The following PDZD2 variants were observed in gnomAD, a reference collection of about 807,000 sequenced individuals.
PDZD2 encodes the protein PDZ domain-containing protein 2.
A neutral mutation model predicts 220.7 loss-of-function variants in PDZD2; 90 were observed. That is an observed-to-expected ratio of 0.41 (90% CI 0.34 to 0.49). The LOEUF is 0.49. Among genes scored for constraint, PDZD2 ranks in the 20% least tolerant of loss-of-function variants. PDZD2 has a pLI of 0.28. For synonymous variants in PDZD2, 1,375 were observed against 1,450.5 expected, an observed-to-expected ratio of 0.95 and a Z score of 1.18; for missense variants, 3,174 against 3,608.5, an observed-to-expected ratio of 0.88 and a Z score of 3.08.
chr5:31,695,280 G>A (rs1747333314), intron 1 of PDZD2, among the ~76,000 whole-genome samples: 1 of 152,188 alleles, frequency 6.6e-6, no homozygotes. Flanking sequence ...GCTCAGGGCT[G>A]CTGAGGAGAT....
Position 32,091,038 on chromosome 5 carries a change from G to C in PDZD2, c.7590G>C (p.Ser2530=), listed in dbSNP as rs761253819. ...CTGGCCCTCCTGCTGGAGGCGTTTCGTGTCCCGAGAAGGGCGGGAACAGGG... is the reference window on the plus strand; with the variant it reads ...CTGGCCCTCCTGCTGGAGGCGTTTCCTGTCCCGAGAAGGGCGGGAACAGGG... ...RSPGPPAGGV[S]CPEKGGNRAC... Residue 2530 remains serine (S), a synonymous_variant, in exon 20 of 25, where the codon TCG becomes TCC. Coordinates refer to ENST00000438447, the MANE Select transcript of PDZD2 (RefSeq NM_178140.4). 10 of 1,613,832 alleles carry C rather than the reference G, an allele frequency of 6.2e-6. No homozygotes were observed. The African/African-American group carries it at 1.1e-4, about 17-fold the overall frequency.
chr5:31,858,370 C>T (rs1435203275), intron 2 of PDZD2, among the ~76,000 whole-genome samples: 1 of 152,178 alleles, frequency 6.6e-6, no homozygotes, highest in Non-Finnish European at 1.5e-5. Context: ...CTTACTTAAA[C>T]CTCCTTTGCA....
In PDZD2 at chr5:31,799,459, G is replaced by C. The variant is rs778525592; in HGVS notation, c.211G>C (p.Val71Leu). The C allele has an allele frequency of 1.9e-6, 3 of 1,614,078 alleles. No homozygotes were observed. The South Asian group carries it at 3.3e-5, about 18-fold the overall frequency. ...HSPPEMEICTVYLTKELGDTE... is the reference protein window; with the variant it reads ...HSPPEMEICTLYLTKELGDTE... Reference sequence around the variant, plus strand: ...CCCCCCCGAAATGGAGATCTGTACTGTGTACCTCACCAAGGAGCTGGGGGA... The same window carrying C: ...CCCCCCCGAAATGGAGATCTGTACTCTGTACCTCACCAAGGAGCTGGGGGA... The change falls in exon 2 of 25, where the codon GTG becomes CTG. Residue 71 changes from valine (V) to leucine (L), a missense_variant. Val to Leu is a conservative substitution (Grantham distance 32). Around this residue, in one of 4 missense-constraint regions of PDZD2, gnomAD observed 632 missense variants for 708.1 expected, o/e 0.89. Coordinates refer to ENST00000438447, the MANE Select transcript of PDZD2 (RefSeq NM_178140.4).
At chr5:31,973,983 T>TGTTTC (rs1181469843) in intron 2 of PDZD2, among the ~76,000 whole-genome samples, 1 of 152,192 alleles carries the variant, frequency 6.6e-6, no homozygotes, top group African/African-American at 2.4e-5. Context: ...TGTTTTGTTT[T>TGTTTC]GTTTCATTTT....
At chr5:32,046,911 C>T (rs1309991863) in intron 7 of PDZD2, among the ~76,000 whole-genome samples, 3 of 152,120 alleles carry the variant, frequency 2.0e-5, no homozygotes, top group East Asian at 1.9e-4. Context: ...GGCGTGGTGG[C>T]GTGCACCTGT....
intron 1 of PDZD2, among the ~76,000 whole-genome samples, chr5:31,708,372 G>A (rs956546282): frequency 2.0e-5 from 3 of 152,228 alleles, no homozygotes; most frequent in African/African-American, 7.2e-5. Flanking sequence ...TGTCCTAGAA[G>A]AGGGGCCACG....
chr5:31,984,880 C>G (rs920206356), intron 3 of PDZD2, among the ~76,000 whole-genome samples: 1 of 152,036 alleles, frequency 6.6e-6, no homozygotes, highest in African/African-American at 2.4e-5. Context: ...AAATGGTGCC[C>G]TGGGGGTAAG....
rs562992159 is a variant in PDZD2, at chr5:31,730,621, G to T, written c.-360-68268G>T. Among the ~76,000 whole-genome samples, 5 of 151,416 alleles carry T rather than the reference G, an allele frequency of 3.3e-5. No homozygotes were observed. The South Asian group carries it at 1.0e-3, about 32-fold the overall frequency. ...TGTGTGTGTGTGTGTAAGGGAGTTG[G>T]GGTGGAGGAGAAATCTCTACTAGGT... is the stretch of plus-strand genomic sequence containing the variant. On this transcript the variant is annotated intron_variant, in intron 1 of 24. Transcript: ENST00000438447.
chr5:32,037,198 T>C (rs1231544710), intron 6 of PDZD2, 33 bp from the exon 7 acceptor site: 4 of 1,375,320 alleles, frequency 2.9e-6, no homozygotes, highest in Admixed American at 1.7e-5. Flanking sequence ...AGGGCTGGGC[T>C]CTCCCATCAG....
rs1302643095 is a variant in PDZD2 at position 32,061,013 on chromosome 5, A to G, written c.2330A>G (p.Gln777Arg). 1 of 1,614,204 alleles carries G rather than the reference A, an allele frequency of 6.2e-7. No individual in the cohort carries two copies. Among genetic ancestry groups the G allele is most frequent in the East Asian group, 2.2e-5 (1 of 44,882 alleles). ...GTTGCCCTCCCTAGCCGCGGGGATC[A>G]AATCCTGGAAGTGAACTCCGTCAAC... ...KMESNLSRGD[Q>R]ILEVNSVNVR... Residue 777 changes from glutamine (Q) to arginine (R), a missense_variant, in exon 14 of 25, where the codon CAA becomes CGA. Transcript: ENST00000438447.
At chr5:31,676,656 C>A (rs545050981) in intron 1 of PDZD2, among the ~76,000 whole-genome samples, 1 of 150,638 alleles carries the variant, frequency 6.6e-6, no homozygotes, top group African/African-American at 2.4e-5. Context: ...TGGGTCCAAG[C>A]GATTCTCCCT....
chr5:32,089,903 C>T lies in PDZD2; in HGVS notation c.6455C>T (p.Ser2152Phe), dbSNP rs1420600380. 4 of 1,612,774 alleles carry T rather than the reference C, an allele frequency of 2.5e-6. No individual in the cohort carries two copies. In the South Asian group the frequency reaches 3.3e-5, roughly 13 times the overall value. The change falls in exon 20 of 25, where the codon TCC becomes TTC. Residue 2152 changes from serine (S) to phenylalanine (F), a missense_variant. By Grantham distance (155) the Ser-to-Phe change is radical. Coordinates refer to ENST00000438447, the MANE Select transcript of PDZD2 (RefSeq NM_178140.4). Reference protein sequence around the residue: ...SHPSSLPSHASQAEQEMSRSF... With the variant: ...SHPSSLPSHAFQAEQEMSRSF... The stretch of plus-strand genomic sequence containing the variant: ...CCATCCTCACTCCCATCTCATGCCT[C>T]CCAGGCAGAGCAGGAAATGTCACGA...
chr5:31,727,141 C>G (rs1749195341), intron 1 of PDZD2, among the ~76,000 whole-genome samples: 1 of 152,208 alleles, frequency 6.6e-6, no homozygotes, highest in Non-Finnish European at 1.5e-5. Context: ...ACACCTCCCA[C>G]CAGGCCCCAC....
intron 1 of PDZD2, among the ~76,000 whole-genome samples, chr5:31,724,637 A>G (rs888438146): frequency 1.3e-5 from 2 of 151,366 alleles, no homozygotes; most frequent in African/African-American, 4.9e-5. Context: ...CTCCCTGAAA[A>G]TACTGTGTAA....
intron 1 of PDZD2, among the ~76,000 whole-genome samples, chr5:31,710,633 C>A (rs1212062557): frequency 6.6e-6 from 1 of 152,076 alleles, no homozygotes; most frequent in Admixed American, 6.5e-5. Context: ...GCCTGGCCAA[C>A]ATGGTGAAAC....
At chr5:32,059,735 T>A (rs16889381) in intron 13 of PDZD2, among the ~76,000 whole-genome samples, 19,208 of 152,224 alleles carry the variant, frequency 0.13, 1,968 homozygotes, top group African/African-American at 0.28. Flanking sequence ...TGGTTCAGAA[T>A]CACTTGATGC....
chr5:32,072,340 G>C, intron 17 of PDZD2, 23 bp downstream of exon 17: 6 of 1,588,856 alleles, frequency 3.8e-6, no homozygotes, highest in Non-Finnish European at 5.1e-6. Flanking sequence ...GCCCCAGAGG[G>C]CCTGGGCTCT....
At chr5:31,740,588 T>TA (rs1395080910) in intron 1 of PDZD2, among the ~76,000 whole-genome samples, 1 of 145,852 alleles carries the variant, frequency 6.9e-6, no homozygotes, top group Non-Finnish European at 1.5e-5. Context: ...GACCTGGGCT[T>TA]AAGGGTTTTG....
At chr5:31,737,289 C>T (rs1749941557) in intron 1 of PDZD2, among the ~76,000 whole-genome samples, 2 of 150,334 alleles carry the variant, frequency 1.3e-5, no homozygotes, top group Admixed American at 1.3e-4. Context: ...TCTCCTGCCT[C>T]AGCCTCCTGA....
Sources: allele counts gnomAD v4.1 joint callset (sites outside exome capture counted in the v4.1 genomes callset), GRCh38; gene constraint gnomAD v4.1.1; regional missense constraint gnomAD v4.1.1; transcripts MANE v1.5; gene names NCBI Gene and HGNC (gene_info 2026-07-23, HGNC 2026-07-21).